ARHGAP19: variants seen among roughly 807,000 people sequenced by gnomAD.
ARHGAP19 encodes the protein rho GTPase-activating protein 19.
ARHGAP19 carries 48 observed loss-of-function variants against 60.9 expected under a neutral mutation model. The observed-to-expected ratio is 0.79, with a 90% confidence interval of 0.62 to 1.00. The LOEUF (loss-of-function observed/expected upper bound fraction) is 1.00. Among genes scored for constraint, ARHGAP19 ranks in the 50% least tolerant of loss-of-function variants. The probability of loss-of-function intolerance (pLI) is 0.00; values close to 1 mark genes in which losing one functional copy is unlikely to be tolerated. For synonymous variants in ARHGAP19, 209 were observed against 215.5 expected (o/e 0.97, Z 0.27); for missense variants, 562 against 597.2 (o/e 0.94, Z 0.61).
chr10:97,236,891 T>C (rs1589446899), intron 8 of ARHGAP19, among the ~76,000 whole-genome samples: 2 of 148,582 alleles, frequency 1.3e-5, no homozygotes, highest in Non-Finnish European at 1.5e-5. Context: ...CCTCTAGAAA[T>C]AGATCTAACT....
At position 97,266,035 on chromosome 10, in the gene ARHGAP19, G is replaced by A; in HGVS notation, c.147C>T (p.Leu49=). The change falls in exon 2 of 12, where the codon CTC becomes CTT. Residue 49 remains leucine, a synonymous_variant. Coordinates refer to ENST00000358531, the MANE Select transcript of ARHGAP19 (RefSeq NM_032900.6). ...IFNPDFFVEK[L]RHEKPEIFTE... is the part of the protein sequence containing the mutation. Reference sequence around the variant, plus strand: ...TGAAAATCTCAGGTTTCTCATGTCGGAGTTTCTCCACAAAAAAGTCAGGAT... The same window carrying A: ...TGAAAATCTCAGGTTTCTCATGTCGAAGTTTCTCCACAAAAAAGTCAGGAT... The A allele has an allele frequency of 2.5e-6, 4 of 1,614,186 alleles. No individual in the cohort carries two copies. The East Asian group carries it at 8.9e-5, about 36-fold the overall frequency.
At chr10:97,273,566 G>A (rs1216140906) in intron 1 of ARHGAP19, among the ~76,000 whole-genome samples, 1 of 135,362 alleles carries the variant, frequency 7.4e-6, no homozygotes, top group African/African-American at 2.8e-5. Flanking sequence ...CTGGCTCACT[G>A]TAACTTCTGC....
At chr10:97,265,732 TA>T in intron 2 of ARHGAP19, 127 bp downstream of exon 2, 1 of 1,208,170 alleles carries the variant, frequency 8.3e-7, no homozygotes, top group Non-Finnish European at 1.2e-6. Context: ...TTACTACTTA[TA>T]AAAACTGAAA....
rs35858317 is a variant in ARHGAP19 at position 97,225,790 on chromosome 10, A to AT, written c.*331dup. 2.1e-4 allele frequency: 54 copies of AT among 258,952 alleles called. No individual in the cohort carries two copies. Among genetic ancestry groups the AT allele is most frequent in the African/African-American group, 4.9e-4 (22 of 45,236 alleles). The allele number at this position is 258,952 out of a possible 1,614,324, so 16.0% of individuals were successfully genotyped here. A position where few individuals can be genotyped will look rare whatever the true frequency, so the allele number is the denominator to read the frequency against. ...ACTGGCAGTTGAGCACACATTTCAT[A>AT]TTTTTTTTCAAAAGTGGAATCTGCC... On this transcript the variant is annotated 3_prime_UTR_variant, in exon 12 of 12. Transcript: ENST00000358531.
At position 97,265,936 on chromosome 10, in the gene ARHGAP19, T is replaced by C. The variant is rs1397014748; in HGVS notation, c.246A>G (p.Glu82=). ...PGTELAQLMG[E]VDLKLPGGAG... is the part of the protein sequence containing the mutation. ...CCCCGCCAGGCAACTTAAGGTCCAC[T>C]TCCCCCATCAGCTGAGCCAACTCAG... Residue 82 remains glutamate (E), a synonymous_variant, in exon 2 of 12, where the codon GAA becomes GAG. Transcript: ENST00000358531. 1.9e-6 allele frequency: 3 copies of C among 1,614,142 alleles called. No homozygotes were observed. Among genetic ancestry groups the C allele is most frequent in the South Asian group, 2.2e-5 (2 of 91,068 alleles).
At chr10:97,242,602 T>A (rs891694249) in intron 8 of ARHGAP19, among the ~76,000 whole-genome samples, 1 of 152,132 alleles carries the variant, frequency 6.6e-6, no homozygotes, top group African/African-American at 2.4e-5. Context: ...AACCTCTACC[T>A]CCTGGGTTCA....
At chr10:97,278,258 G>A (rs1843043367) in intron 1 of ARHGAP19, among the ~76,000 whole-genome samples, 1 of 152,152 alleles carries the variant, frequency 6.6e-6, no homozygotes. Context: ...CATCCCTGAA[G>A]GAAAAATCAG....
intron 6 of ARHGAP19, among the ~76,000 whole-genome samples, chr10:97,248,271 G>C: frequency 6.6e-6 from 1 of 152,070 alleles, no homozygotes; most frequent in East Asian, 1.9e-4. Context: ...AAAATTAGCC[G>C]GGTGTGGTGG....
chr10:97,241,501 G>A (rs11189058), intron 8 of ARHGAP19, among the ~76,000 whole-genome samples: 85,411 of 151,480 alleles, frequency 0.56, 25,699 homozygotes, highest in East Asian at 0.72. Context: ...ATCACTTGAG[G>A]TCAGGAGTTC....
At chr10:97,228,451 T>C (rs1850939280) in intron 11 of ARHGAP19, among the ~76,000 whole-genome samples, 1 of 152,188 alleles carries the variant, frequency 6.6e-6, no homozygotes, top group African/African-American at 2.4e-5. Flanking sequence ...ATCTGTGAAG[T>C]AGATGTAACT....
chr10:97,228,342 G>A (rs896794127), intron 11 of ARHGAP19, among the ~76,000 whole-genome samples: 2 of 152,114 alleles, frequency 1.3e-5, no homozygotes, highest in African/African-American at 4.8e-5. Context: ...GTTTCAGCCC[G>A]TTTTCTACAG....
At chr10:97,227,444 G>A (rs528017029) in intron 11 of ARHGAP19, among the ~76,000 whole-genome samples, 1 of 151,926 alleles carries the variant, frequency 6.6e-6, no homozygotes, top group Non-Finnish European at 1.5e-5. Context: ...GAAACGAACA[G>A]AACTTAAGAG....
chr10:97,292,607 A>C lies in ARHGAP19; in HGVS notation c.21T>G (p.Ser7Arg), dbSNP rs1299723839. Residue 7 changes from serine (S) to arginine (R), a missense_variant, in exon 1 of 12, where the codon AGT becomes AGG. By Grantham distance (110) the Ser-to-Arg change is moderately radical. Transcript: ENST00000358531. Reference protein sequence around the residue: MATEAQSEGEVPARESG... With the variant: MATEAQREGEVPARESG... ...ATTCGCGGGCTGGCACCTCCCCTTCACTCTGTGCCTCAGTCGCCATCTTCG... is the reference window on the plus strand; with the variant it reads ...ATTCGCGGGCTGGCACCTCCCCTTCCCTCTGTGCCTCAGTCGCCATCTTCG... The C allele has an allele frequency of 1.2e-6, 2 of 1,613,584 alleles. No homozygotes were observed. The highest frequency in any genetic ancestry group is 4.5e-5 in the East Asian group (2 of 44,856).
At chr10:97,238,054 A>C (rs1184262556) in intron 8 of ARHGAP19, among the ~76,000 whole-genome samples, 1 of 152,162 alleles carries the variant, frequency 6.6e-6, no homozygotes, top group Non-Finnish European at 1.5e-5. Flanking sequence ...GTATTCTAGA[A>C]AAAGGCATTG....
intron 1 of ARHGAP19, among the ~76,000 whole-genome samples, chr10:97,268,691 C>T (rs1302996222): frequency 6.6e-6 from 1 of 152,080 alleles, no homozygotes; most frequent in African/African-American, 2.4e-5. Flanking sequence ...GACTTATTCA[C>T]TGTCAAGAGA....
At chr10:97,272,748 G>C (rs1200042596) in intron 1 of ARHGAP19, among the ~76,000 whole-genome samples, 2 of 149,412 alleles carry the variant, frequency 1.3e-5, no homozygotes, top group Non-Finnish European at 3.0e-5. Context: ...CCTCCTCTTT[G>C]TTCCTGATAT....
At chr10:97,260,492 T>C (rs546694316) in intron 4 of ARHGAP19, among the ~76,000 whole-genome samples, 2 of 151,684 alleles carry the variant, frequency 1.3e-5, no homozygotes, top group Non-Finnish European at 2.9e-5. Flanking sequence ...ATCATGCCCC[T>C]GCACTCCAGC....
chr10:97,243,818 G>A, intron 8 of ARHGAP19, 150 bp downstream of exon 8: 1 of 678,406 alleles, frequency 1.5e-6, no homozygotes, highest in Non-Finnish European at 2.4e-6. Context: ...TGGAGCAATG[G>A]CACAGAGATC....
At chr10:97,290,200 G>A (rs1000337339) in intron 1 of ARHGAP19, among the ~76,000 whole-genome samples, 2 of 152,188 alleles carry the variant, frequency 1.3e-5, no homozygotes, top group African/African-American at 2.4e-5. Flanking sequence ...TGTTATGGCT[G>A]GAGCTGAGCT....
Sources: gnomAD v4.1 joint callset for allele counts (sites outside exome capture counted in the v4.1 genomes callset) on GRCh38, gnomAD v4.1.1 for gene constraint, MANE v1.5 for transcripts, NCBI Gene and HGNC (gene_info 2026-07-23, HGNC 2026-07-21) for gene names.